The following UIMC1 variants were observed in gnomAD, a reference collection of about 807,000 sequenced individuals.
UIMC1 encodes the protein BRCA1-A complex subunit RAP80.
UIMC1 carries 42 observed loss-of-function variants against 84.9 expected under a neutral mutation model. The observed-to-expected ratio is 0.49, with a 90% confidence interval of 0.39 to 0.64. The LOEUF is 0.64. Ranked by LOEUF, UIMC1 falls within the 30% of genes least tolerant of loss-of-function variation. The probability of loss-of-function intolerance (pLI) is 0.00; values close to 1 mark genes in which losing one functional copy is unlikely to be tolerated. For synonymous variants in UIMC1, 281 were observed against 293.0 expected (o/e 0.96, Z 0.42); for missense variants, 825 against 847.6 (o/e 0.97, Z 0.33).
chr5:176,959,678 T>G (rs1184398397), intron 6 of UIMC1, among the ~76,000 whole-genome samples: 1 of 137,548 alleles, frequency 7.3e-6, no homozygotes, highest in Non-Finnish European at 1.5e-5. Context: ...ATCCCGCCAC[T>G]GCACTCCAGC....
chr5:176,966,244 T>A (rs1317360937), intron 6 of UIMC1, among the ~76,000 whole-genome samples: 1 of 152,242 alleles, frequency 6.6e-6, no homozygotes, highest in Non-Finnish European at 1.5e-5. Context: ...TGCATTGCAG[T>A]AGACATTTTA....
intron 2 of UIMC1, among the ~76,000 whole-genome samples, chr5:176,980,995 C>G (rs1420071247): frequency 6.6e-6 from 1 of 152,164 alleles, no homozygotes; most frequent in Non-Finnish European, 1.5e-5. Flanking sequence ...CCTGTCTAAG[C>G]TTCCCGAAGC....
At chr5:176,986,538 CAA>C (rs34922824) in intron 1 of UIMC1, among the ~76,000 whole-genome samples, 5 of 79,372 alleles carry the variant, frequency 6.3e-5, no homozygotes, top group African/African-American at 5.9e-5. Flanking sequence ...ACCCTGTCTC[CAA>C]AAAAAAAAAA....
At chr5:177,010,499 G>A (rs1397766521), upstream of UIMC1, among the ~76,000 whole-genome samples, 1 of 151,986 alleles carries the variant, frequency 6.6e-6, no homozygotes, top group Non-Finnish European at 1.5e-5. Flanking sequence ...TATTCCCATA[G>A]GCCTAGGAAG....
chr5:176,925,536 A>C (rs569558167), intron 10 of UIMC1, among the ~76,000 whole-genome samples: 2 of 152,182 alleles, frequency 1.3e-5, no homozygotes, highest in African/African-American at 4.8e-5. Flanking sequence ...TCACAGCAGC[A>C]TTCTTAGTGA....
intron 1 of UIMC1, among the ~76,000 whole-genome samples, chr5:177,003,837 G>A (rs1310750668): frequency 2.0e-5 from 3 of 152,120 alleles, no homozygotes; most frequent in Non-Finnish European, 4.4e-5. Flanking sequence ...TACCGTGTGT[G>A]CACGTGTATT....
At chr5:176,956,228 T>G (rs567606599) in intron 7 of UIMC1, among the ~76,000 whole-genome samples, 193 bp from the exon 8 acceptor site, 1 of 152,328 alleles carries the variant, frequency 6.6e-6, no homozygotes, top group South Asian at 2.1e-4. Flanking sequence ...ATAAATATGC[T>G]TACAACTTCA....
chr5:177,009,734 T>C (rs1581737343), upstream of UIMC1, among the ~76,000 whole-genome samples: 1 of 151,950 alleles, frequency 6.6e-6, no homozygotes, highest in African/African-American at 2.4e-5. This position sits in a 1 kb window ranked among gnomAD's most constrained non-coding sequence, Gnocchi z 4.3. Context: ...AGACTTTGTC[T>C]CTACTAAAAA....
At position 176,997,303 on chromosome 5, in the gene UIMC1, G is replaced by A. The variant is rs571980984; in HGVS notation, c.-9+9347C>T. ...ACAATTTTAACAGACTCATAACTGG[G>A]TTCCTTACTTTTACCACCGTTCCCC... On this transcript the variant is annotated intron_variant, in intron 1 of 14. Coordinates refer to ENST00000511320, the MANE Select transcript of UIMC1 (RefSeq NM_001199298.2). 5.3e-5 allele frequency among the ~76,000 whole-genome samples: 8 copies of A among 151,988 alleles called. No individual in the cohort carries two copies. In the South Asian group the frequency reaches 1.0e-3, roughly 20 times the overall value.
intron 1 of UIMC1, among the ~76,000 whole-genome samples, chr5:177,005,951 C>T (rs1377716222): frequency 1.3e-5 from 2 of 152,094 alleles, no homozygotes; most frequent in South Asian, 2.1e-4. Context: ...GGAAACGCGC[C>T]GGCCCTGCGG....
chr5:176,928,231 C>T (rs1762623597), intron 10 of UIMC1, among the ~76,000 whole-genome samples: 1 of 152,126 alleles, frequency 6.6e-6, no homozygotes, highest in Admixed American at 6.5e-5. Flanking sequence ...GCTTTAACAG[C>T]AGAGTTGAGT....
At chr5:176,983,696 C>T (rs353483) in intron 1 of UIMC1, among the ~76,000 whole-genome samples, 5,830 of 152,136 alleles carry the variant, frequency 0.038, 372 homozygotes, top group African/African-American at 0.13. Flanking sequence ...GGCTGCCCAT[C>T]GTCTAGGATG....
chr5:176,922,523 T>C (rs1581388149), intron 10 of UIMC1, among the ~76,000 whole-genome samples: 1 of 152,364 alleles, frequency 6.6e-6, no homozygotes, highest in East Asian at 1.9e-4. Flanking sequence ...CTGCTTTTAG[T>C]CTCCTCCAAA....
At chr5:177,011,753 G>A (rs567373703), upstream of UIMC1, among the ~76,000 whole-genome samples, 3 of 152,154 alleles carry the variant, frequency 2.0e-5, no homozygotes, top group South Asian at 2.1e-4. Context: ...GACCCCAAAC[G>A]GAGGGACCGG....
intron 10 of UIMC1, among the ~76,000 whole-genome samples, chr5:176,925,030 CAAAA>C (rs749987567): frequency 9.4e-5 from 5 of 52,954 alleles, no homozygotes; most frequent in East Asian, 6.0e-4. Flanking sequence ...GACTCTGCCT[CAAAA>C]AAAAAAAAAA....
chr5:176,940,027 A>T (rs1028682831), intron 10 of UIMC1, among the ~76,000 whole-genome samples: 3 of 152,202 alleles, frequency 2.0e-5, no homozygotes, highest in African/African-American at 7.2e-5. Flanking sequence ...AACAAGGAGA[A>T]CGTGAAATGT....
At position 176,969,005 on chromosome 5, in the gene UIMC1, G is replaced by A. The variant is rs779047629; in HGVS notation, c.750C>T (p.Ser250=). 8.7e-6 allele frequency: 14 copies of A among 1,614,016 alleles called. No homozygotes were observed. In the East Asian group the frequency reaches 8.9e-5, roughly 10 times the overall value. ...GTAGACAGTGCCTAGATGTGTCCCC[G>A]CTACCCTGGACAGCTTTGAGAAAAG... ...GSAFLKAVQG[S]GDTSRHCLPT... is the part of the protein sequence containing the mutation. Residue 250 remains serine (S), a synonymous_variant, in exon 6 of 15, where the codon AGC becomes AGT. Transcript: ENST00000511320.
chr5:176,907,274 G>T, intron 12 of UIMC1, 97 bp from the exon 13 acceptor site: 2 of 1,203,128 alleles, frequency 1.7e-6, no homozygotes, highest in South Asian at 1.3e-5. Flanking sequence ...GAAGAGAAAA[G>T]GTGTGGGGGC....
chr5:176,983,374 C>T (rs1771347725), intron 1 of UIMC1, among the ~76,000 whole-genome samples: 1 of 151,732 alleles, frequency 6.6e-6, no homozygotes, highest in Non-Finnish European at 1.5e-5. Flanking sequence ...GCCTGGGATT[C>T]CAGGCACGCA....
Sources: gnomAD v4.1 joint callset for allele counts (sites outside exome capture counted in the v4.1 genomes callset) on GRCh38, gnomAD v4.1.1 for gene constraint, Gnocchi (gnomAD v3.1) non-coding constraint, MANE v1.5 for transcripts, NCBI Gene and HGNC (gene_info 2026-07-23, HGNC 2026-07-21) for gene names.